DDIAS: variants seen among roughly 807,000 people sequenced by gnomAD.
DDIAS encodes the protein DNA damage-induced apoptosis suppressor protein.
A neutral mutation model predicts 15.7 loss-of-function variants in DDIAS; 14 were observed. The observed-to-expected ratio is 0.89, with a 90% CI of 0.59 to 1.39. The LOEUF is 1.39. Ranked by LOEUF, DDIAS falls within the 40% of genes most tolerant of loss-of-function variation. The pLI, the probability that DDIAS is intolerant of heterozygous loss-of-function variation, is 0.00. For missense variants in DDIAS, 1,035 were observed against 1,130.9 expected (o/e 0.92, Z 1.22); for synonymous variants, 355 against 395.9 (o/e 0.90, Z 1.23).
At chr11:82,914,288 G>GC in intron 2 of DDIAS, 1 of 197,438 alleles carries the variant, frequency 5.1e-6, no homozygotes, top group Non-Finnish European at 1.0e-5. Context: ...AAGTACTTAT[G>GC]TGTGGAATTT....
intron 3 of DDIAS, among the ~76,000 whole-genome samples, chr11:82,921,117 T>C (rs1860737518): frequency 6.6e-6 from 1 of 152,234 alleles, no homozygotes; most frequent in Non-Finnish European, 1.5e-5. Context: ...AGGCCTTTTA[T>C]CATTATATAA....
chr11:82,919,357 G>T (rs1860697979), intron 3 of DDIAS, among the ~76,000 whole-genome samples: 1 of 152,162 alleles, frequency 6.6e-6, no homozygotes, highest in Non-Finnish European at 1.5e-5. Flanking sequence ...AGATGATCAT[G>T]TGATTTTTGG....
intron 4 of DDIAS, among the ~76,000 whole-genome samples, chr11:82,929,378 A>G (rs1204415758): frequency 1.3e-5 from 2 of 152,156 alleles, no homozygotes; most frequent in Admixed American, 6.5e-5. Context: ...ACCTTTTACG[A>G]CATTGTCCTG....
At position 82,928,933 on chromosome 11, in the gene DDIAS, G is replaced by T. The variant is rs1565249993; in HGVS notation, c.270G>T (p.Leu90Phe). 8.7e-6 allele frequency: 14 copies of T among 1,610,668 alleles called. No homozygotes were observed. Among genetic ancestry groups the T allele is most frequent in the African/African-American group, 1.3e-5 (1 of 74,806 alleles). The change falls in exon 4 of 6, where the codon TTG becomes TTT. Residue 90 changes from leucine (L) to phenylalanine (F), a missense_variant. By Grantham distance (22) the Leu-to-Phe change is conservative. Coordinates refer to ENST00000533655, the MANE Select transcript of DDIAS (RefSeq NM_145018.4). ...DTFFGLTATGLHRYIQDPNKI... is the reference protein window; with the variant it reads ...DTFFGLTATGFHRYIQDPNKI... ...TTTTTGGTCTTACTGCCACTGGTTT[G>T]CACAGGTAAGAATACTTAAAACATC... is the stretch of plus-strand genomic sequence containing the variant.
Position 82,929,064 on chromosome 11 carries a change from G to C in DDIAS, c.275+126G>C, listed in dbSNP as rs112198919. ...CCCCAGATTGTCAATTCCTTTAAAAGACAAGCAAGTAAGAAAGATGTTTAT... is the reference window on the plus strand; with the variant it reads ...CCCCAGATTGTCAATTCCTTTAAAACACAAGCAAGTAAGAAAGATGTTTAT... On this transcript the variant is annotated intron_variant, in intron 4 of 5. Transcript: ENST00000533655. 155 of 1,040,804 alleles carry C rather than the reference G, an allele frequency of 1.5e-4. No individual in the cohort carries two copies. The African/African-American group carries it at 2.3e-3, about 16-fold the overall frequency. The allele number at this position is 1,040,804 out of a possible 1,614,324, so 64.5% of individuals were successfully genotyped here.
At position 82,934,219 on chromosome 11, in the gene DDIAS, C is replaced by T. The variant is rs763600033; in HGVS notation, c.2881C>T (p.Pro961Ser). 1.9e-6 allele frequency: 3 copies of T among 1,613,946 alleles called. No homozygotes were observed. Among genetic ancestry groups the T allele is most frequent in the Admixed American group, 3.3e-5 (2 of 59,984 alleles). Reference sequence around the variant, plus strand: ...AGTCTTAGCAGCACCTCAGCTGCACCCTATTCTTGGACCTGATTCTTGTTC... The same window carrying T: ...AGTCTTAGCAGCACCTCAGCTGCACTCTATTCTTGGACCTGATTCTTGTTC... The part of the protein sequence containing the change: ...IQVLAAPQLH[P>S]ILGPDSCSEV... Residue 961 changes from proline to serine, a missense_variant, in exon 6 of 6, where the codon CCT becomes TCT. By Grantham distance (74) the Pro-to-Ser change is moderately conservative. Coordinates refer to ENST00000533655, the MANE Select transcript of DDIAS (RefSeq NM_145018.4).
intron 3 of DDIAS, among the ~76,000 whole-genome samples, chr11:82,919,673 C>CA (rs1409267431): frequency 3.3e-5 from 5 of 152,166 alleles, no homozygotes; most frequent in African/African-American, 1.2e-4. Context: ...GGATTGGTAC[C>CA]AATTCTTCTT....
At chr11:82,910,604 CTCTTTTTTTTT>C (rs1485626319) in intron 1 of DDIAS, among the ~76,000 whole-genome samples, 6 of 107,640 alleles carry the variant, frequency 5.6e-5, no homozygotes, top group Admixed American at 2.3e-4. Flanking sequence ...CTCTCTCTCT[CTCTTTTTTTTT>C]TTTTTTTTTT....
At chr11:82,902,023 T>C (rs1860318359) in intron 1 of DDIAS, among the ~76,000 whole-genome samples, 1 of 152,178 alleles carries the variant, frequency 6.6e-6, no homozygotes, top group Non-Finnish European at 1.5e-5. Flanking sequence ...TGCAATCACC[T>C]AACGAACGTT....
intron 3 of DDIAS, among the ~76,000 whole-genome samples, chr11:82,926,132 C>T (rs1860857639): frequency 6.9e-6 from 1 of 145,414 alleles, no homozygotes; most frequent in Admixed American, 7.1e-5. Flanking sequence ...CTGTCACCTC[C>T]AGACTGGAGT....
intron 1 of DDIAS, among the ~76,000 whole-genome samples, chr11:82,907,283 AAAGTT>A (rs899310061): frequency 6.6e-6 from 1 of 152,220 alleles, no homozygotes; most frequent in African/African-American, 2.4e-5. Flanking sequence ...GAGCAAAAAG[AAAGTT>A]AAGAGAATAG....
chr11:82,921,538 T>C (rs1381793621), intron 3 of DDIAS, among the ~76,000 whole-genome samples: 2 of 151,546 alleles, frequency 1.3e-5, no homozygotes, highest in African/African-American at 4.8e-5. Context: ...TTTCAAGATT[T>C]AGAGCTCCTT....
intron 3 of DDIAS, among the ~76,000 whole-genome samples, chr11:82,928,291 C>T (rs1196560227): frequency 2.1e-5 from 3 of 140,910 alleles, no homozygotes; most frequent in East Asian, 2.1e-4. Flanking sequence ...ATCCACCTCC[C>T]GGGTTCACAT....
intron 3 of DDIAS, among the ~76,000 whole-genome samples, chr11:82,918,704 A>ATGGG (rs769803232): frequency 2.0e-5 from 3 of 152,228 alleles, no homozygotes; most frequent in Non-Finnish European, 4.4e-5. Context: ...ATCCACGAGC[A>ATGGG]TGGGATGTGT....
At chr11:82,905,255 C>T (rs1051181065) in intron 1 of DDIAS, among the ~76,000 whole-genome samples, 2 of 152,148 alleles carry the variant, frequency 1.3e-5, no homozygotes, top group Non-Finnish European at 2.9e-5. Context: ...AACACTTACA[C>T]TTTTGTCCCT....
At chr11:82,924,896 A>G (rs1860827837) in intron 3 of DDIAS, among the ~76,000 whole-genome samples, 1 of 152,212 alleles carries the variant, frequency 6.6e-6, no homozygotes, top group African/African-American at 2.4e-5. Context: ...AAAAGATAGC[A>G]AATTACAGCT....
In DDIAS at chr11:82,933,595, C is replaced by T. The variant is rs1861050300; in HGVS notation, c.2257C>T (p.His753Tyr). Reference protein sequence around the residue: ...RHSRTCSPTPHFQSDSEYNFE... With the variant: ...RHSRTCSPTPYFQSDSEYNFE... ...TTCAAGAACATGCTCTCCAACACCTCATTTTCAATCAGATTCAGAATATAA... is the reference window on the plus strand; with the variant it reads ...TTCAAGAACATGCTCTCCAACACCTTATTTTCAATCAGATTCAGAATATAA... The change falls in exon 6 of 6, where the codon CAT becomes TAT. Residue 753 changes from histidine to tyrosine, a missense_variant. Transcript: ENST00000533655. 1 of 1,613,638 alleles carries T rather than the reference C, an allele frequency of 6.2e-7. No individual in the cohort carries two copies.
chr11:82,908,065 AAGG>A (rs1860465341), intron 1 of DDIAS, among the ~76,000 whole-genome samples: 1 of 152,206 alleles, frequency 6.6e-6, no homozygotes. Context: ...AACTAAGAGG[AAGG>A]AGGATTCTAC....
At chr11:82,914,113 T>C (rs1860580974) in intron 2 of DDIAS, 1 of 317,210 alleles carries the variant, frequency 3.2e-6, no homozygotes, top group Admixed American at 4.9e-5. Flanking sequence ...CTTTTTGTAT[T>C]TAGTGGAGAT....
Sources: gnomAD v4.1 joint callset for allele counts (sites outside exome capture counted in the v4.1 genomes callset) on GRCh38, gnomAD v4.1.1 for gene constraint, MANE v1.5 for transcripts, NCBI Gene and HGNC (gene_info 2026-07-23, HGNC 2026-07-21) for gene names.